The following NPAS3 variants were observed in gnomAD, a reference collection of about 807,000 sequenced individuals.
NPAS3 encodes neuronal PAS domain protein 3, also known as neuronal PAS domain-containing protein 3.
Under a neutral mutation model 73.1 loss-of-function variants are expected in NPAS3, and 14 were observed. The ratio of observed to expected loss-of-function variants is 0.19; its 90% CI spans 0.13 to 0.30. NPAS3 has a LOEUF of 0.30. Ranked by LOEUF, NPAS3 falls within the 10% of genes least tolerant of loss-of-function variation. The pLI is 1.00. For missense variants in NPAS3, 1,096 were observed against 1,250.0 expected, an observed-to-expected ratio of 0.88 and a Z score of 1.86; for synonymous variants, 620 against 541.5, an observed-to-expected ratio of 1.14 and a Z score of -2.01.
At chr14:33,210,645 T>C (rs2046996133) in intron 2 of NPAS3, among the ~76,000 whole-genome samples, 1 of 152,172 alleles carries the variant, frequency 6.6e-6, no homozygotes, top group African/African-American at 2.4e-5. Flanking sequence ...AAACCTTCAA[T>C]AGCATTTTCA....
At chr14:33,692,828 C>T (rs1271358765) in intron 6 of NPAS3, among the ~76,000 whole-genome samples, 2 of 102,894 alleles carry the variant, frequency 1.9e-5, no homozygotes, top group Non-Finnish European at 3.6e-5. Flanking sequence ...TTAAGTAGCC[C>T]AATGTCTTAA....
rs35133518 is a variant in NPAS3, at chr14:33,607,407, CAA to C, written c.558+47209_558+47210del. 4.0e-3 allele frequency among the ~76,000 whole-genome samples: 495 copies of C among 125,192 alleles called. 2 individuals carry two copies. The highest frequency in any genetic ancestry group is 0.012 in the African/African-American group (439 of 35,728). 82.1% of individuals were successfully genotyped at this position (125,192 alleles called of 152,430 possible). A position where few individuals can be genotyped will look rare whatever the true frequency, so the allele number is the denominator to read the frequency against. ...TTATTCTTGGTGAATTAAGCCAAAC[CAA>C]AAAAAAAAAAAGAGTGATTCCATAT... On this transcript the variant is annotated intron_variant, in intron 5 of 11. Transcript: ENST00000356141.
chr14:33,746,171 T>TTTTATTTATTTATTTATTTATTTATTTA (rs528860081), intron 7 of NPAS3, among the ~76,000 whole-genome samples: 1 of 144,360 alleles, frequency 6.9e-6, no homozygotes, highest in African/African-American at 2.6e-5. Context: ...TTTTATTTTA[T>TTTTATTTATTTATTTATTTATTTATTTA]TTTATTTATT....
intron 4 of NPAS3, among the ~76,000 whole-genome samples, chr14:33,483,194 C>T (rs17101337): frequency 3.3e-5 from 5 of 151,990 alleles, no homozygotes; most frequent in Non-Finnish European, 4.4e-5. Flanking sequence ...GAAACTTCAG[C>T]GTAACTTAGA....
chr14:33,677,595 C>T (rs1477268241), intron 6 of NPAS3, among the ~76,000 whole-genome samples: 1 of 139,390 alleles, frequency 7.2e-6, no homozygotes, highest in Non-Finnish European at 1.5e-5. Context: ...GAAGTAATCA[C>T]GATATGTTTT....
chr14:33,645,313 G>T (rs1349781418), intron 5 of NPAS3, among the ~76,000 whole-genome samples: 1 of 152,076 alleles, frequency 6.6e-6, no homozygotes, highest in Non-Finnish European at 1.5e-5. Flanking sequence ...CTCTGGGGGT[G>T]GGATTCCAGA....
upstream of NPAS3, chr14:32,939,207 C>T (rs1463851688): frequency 5.6e-5 from 23 of 412,422 alleles, no homozygotes; most frequent in Admixed American, 3.1e-4. Context: ...CCGCGCACGG[C>T]CGCACTCTCC....
At chr14:33,293,769 C>G (rs1165987110) in intron 3 of NPAS3, among the ~76,000 whole-genome samples, 1 of 152,132 alleles carries the variant, frequency 6.6e-6, no homozygotes, top group Non-Finnish European at 1.5e-5. Flanking sequence ...TGGTGAAGTT[C>G]AAGAGGTCAA....
chr14:33,488,464 C>A (rs543708046), intron 4 of NPAS3, among the ~76,000 whole-genome samples: 4 of 152,128 alleles, frequency 2.6e-5, no homozygotes, highest in African/African-American at 9.7e-5. Flanking sequence ...AGTCTGAGAG[C>A]GAGCCTATCT....
intron 1 of NPAS3, among the ~76,000 whole-genome samples, chr14:32,984,710 A>G (rs1022256416): frequency 1.4e-4 from 21 of 152,218 alleles, no homozygotes; most frequent in African/African-American, 4.8e-4. Flanking sequence ...AAAAAAACAC[A>G]GTGGAACCGA....
chr14:33,346,024 A>G (rs2140327410), intron 3 of NPAS3, among the ~76,000 whole-genome samples: 1 of 152,084 alleles, frequency 6.6e-6, no homozygotes, highest in East Asian at 1.9e-4. Context: ...CAAGGTCAGG[A>G]GTTCGAGACC....
intron 7 of NPAS3, among the ~76,000 whole-genome samples, chr14:33,756,964 C>T (rs1444049947): frequency 6.6e-6 from 1 of 152,192 alleles, no homozygotes; most frequent in Non-Finnish European, 1.5e-5. Flanking sequence ...GATTTGATAT[C>T]ACCCTTGAAG....
At chr14:33,283,364 T>C (rs2140072847) in intron 3 of NPAS3, among the ~76,000 whole-genome samples, 1 of 152,382 alleles carries the variant, frequency 6.6e-6, no homozygotes. Context: ...GCAGAATTTC[T>C]ATGATATAGG....
chr14:33,799,952 G>A (rs1264303346), exon 12 of NPAS3: 1 of 1,614,064 alleles, frequency 6.2e-7, no homozygotes, highest in Non-Finnish European at 8.5e-7. Flanking sequence ...CGGCTTCGGT[G>A]CTCTGGGCGC....
chr14:33,558,234 A>G (rs537214983), intron 4 of NPAS3, among the ~76,000 whole-genome samples: 74 of 152,264 alleles, frequency 4.9e-4, no homozygotes, highest in Non-Finnish European at 8.1e-4. Context: ...CCAGTGGGGC[A>G]GTGAAAACAG....
At chr14:33,270,097 T>A (rs1323005314) in intron 3 of NPAS3, among the ~76,000 whole-genome samples, 1 of 152,058 alleles carries the variant, frequency 6.6e-6, no homozygotes, top group Non-Finnish European at 1.5e-5. Context: ...AAACTCTCCA[T>A]GGAATTAAGG....
intron 4 of NPAS3, among the ~76,000 whole-genome samples, chr14:33,382,665 G>A (rs2046606983): frequency 4.6e-5 from 7 of 152,162 alleles, no homozygotes; most frequent in Admixed American, 4.6e-4. Context: ...CTGTATTAAT[G>A]AAATGTTGTA....
intron 4 of NPAS3, among the ~76,000 whole-genome samples, chr14:33,501,579 C>T (rs914744557): frequency 4.6e-5 from 7 of 151,660 alleles, no homozygotes; most frequent in African/African-American, 1.5e-4. Context: ...TAGAATCTTT[C>T]AGATTCCTAT....
At chr14:33,280,162 A>G (rs185816053) in intron 3 of NPAS3, among the ~76,000 whole-genome samples, 6 of 152,220 alleles carry the variant, frequency 3.9e-5, no homozygotes, top group African/African-American at 1.2e-4. Context: ...CTGTCCAGGG[A>G]CCAGTACCTG....
Sources: allele counts gnomAD v4.1 joint callset (sites outside exome capture counted in the v4.1 genomes callset), GRCh38; gene constraint gnomAD v4.1.1; transcripts MANE v1.5; gene names NCBI Gene and HGNC (gene_info 2026-07-23, HGNC 2026-07-21).